Variants in TRDN observed in about 807,000 individuals in gnomAD.
TRDN encodes the protein triadin in skeletal muscle.
In TRDN, 161 loss-of-function variants were observed where a neutral mutation model predicts 149.7. The observed-to-expected ratio is 1.08, with a 90% CI of 0.95 to 1.23. TRDN has a LOEUF of 1.23. TRDN is among the 50% of genes most tolerant of loss of function. The pLI, the probability that TRDN is intolerant of heterozygous loss-of-function variation, is 0.00. For missense variants in TRDN, 896 were observed against 823.5 expected, an observed-to-expected ratio of 1.09 and a Z score of -1.08; for synonymous variants, 294 against 250.5, an observed-to-expected ratio of 1.17 and a Z score of -1.64.
At chr6:123,389,021 A>G (rs1782011414) in intron 13 of TRDN, among the ~76,000 whole-genome samples, 1 of 152,272 alleles carries the variant, frequency 6.6e-6, no homozygotes, top group Non-Finnish European at 1.5e-5. Flanking sequence ...AAAATGCCCA[A>G]TTTCAGGAAG....
intron 23 of TRDN, among the ~76,000 whole-genome samples, chr6:123,321,131 T>G (rs1779228019): frequency 6.6e-6 from 1 of 152,178 alleles, no homozygotes; most frequent in African/African-American, 2.4e-5. Flanking sequence ...AAAATCAGAC[T>G]GCCAGACACC....
intron 24 of TRDN, among the ~76,000 whole-genome samples, chr6:123,285,370 A>G (rs952668575): frequency 6.6e-6 from 1 of 152,016 alleles, no homozygotes; most frequent in Non-Finnish European, 1.5e-5. Flanking sequence ...AGAATAGAGA[A>G]CCCCAAAATA....
Position 123,480,040 on chromosome 6 carries a change from T to G in TRDN, c.854-15057A>C, listed in dbSNP as rs74537964. ...ATCTTTTTTCAATGTCAAAAATATT[T>G]AACATTTTTTATCAAAATAGAGATG... is the stretch of plus-strand genomic sequence containing the variant. On this transcript the variant is annotated intron_variant, in intron 9 of 40. Transcript: ENST00000334268. 1.8e-3 allele frequency among the ~76,000 whole-genome samples: 276 copies of G among 152,230 alleles called. 3 individuals carry two copies. The highest frequency in any genetic ancestry group is 6.4e-3 in the African/African-American group (268 of 41,554).
intron 1 of TRDN, among the ~76,000 whole-genome samples, chr6:123,611,530 T>C (rs79199828): frequency 0.049 from 7,393 of 152,270 alleles, 622 homozygotes; most frequent in African/African-American, 0.17. Flanking sequence ...CAACATAAGA[T>C]AAAAGAAATA....
intron 14 of TRDN, among the ~76,000 whole-genome samples, chr6:123,383,735 T>C (rs185610791): frequency 1.3e-5 from 2 of 152,228 alleles, no homozygotes; most frequent in Admixed American, 1.3e-4. Context: ...TGAAGAAAGA[T>C]TAGAAGAAAA....
At chr6:123,275,968 G>A (rs1244139256) in intron 26 of TRDN, among the ~76,000 whole-genome samples, 1 of 152,146 alleles carries the variant, frequency 6.6e-6, no homozygotes, top group African/African-American at 2.4e-5. Context: ...TCTCTGGTTT[G>A]GAGATAATGC....
intron 38 of TRDN, among the ~76,000 whole-genome samples, chr6:123,234,719 T>G (rs1775724495): frequency 2.0e-5 from 3 of 152,112 alleles, no homozygotes; most frequent in African/African-American, 7.2e-5. Flanking sequence ...CAACAAAAAC[T>G]AATACCTTTT....
intron 14 of TRDN, 84 bp from the exon 15 acceptor site, chr6:123,382,231 T>G: frequency 1.1e-6 from 1 of 878,176 alleles, no homozygotes. Flanking sequence ...CTATAAACAA[T>G]CAAATAAAAT....
chr6:123,284,091 C>A (rs1048187264), intron 24 of TRDN, among the ~76,000 whole-genome samples: 2 of 134,080 alleles, frequency 1.5e-5, no homozygotes, highest in Non-Finnish European at 3.2e-5. Flanking sequence ...TGCCCCCCCC[C>A]CAAAAATTGG....
At chr6:123,382,214 CA>C in intron 14 of TRDN, 67 bp from the exon 15 acceptor site, 1 of 1,073,824 alleles carries the variant, frequency 9.3e-7, no homozygotes, top group Non-Finnish European at 1.3e-6. Context: ...CAGCTCACAA[CA>C]AATTTCTATA....
intron 10 of TRDN, among the ~76,000 whole-genome samples, chr6:123,442,545 C>CA (rs1434202710): frequency 0.017 from 591 of 35,008 alleles, 11 homozygotes; most frequent in Non-Finnish European, 0.025. Context: ...GACTCCGTCT[C>CA]AAAAAAAAAA....
chr6:123,314,923 T>C (rs1778969850), intron 24 of TRDN, among the ~76,000 whole-genome samples: 1 of 151,902 alleles, frequency 6.6e-6, no homozygotes, highest in Non-Finnish European at 1.5e-5. Flanking sequence ...GATGAAATAA[T>C]TGGTACAACA....
chr6:123,488,485 C>T (rs1323882628), intron 9 of TRDN, among the ~76,000 whole-genome samples: 1 of 152,054 alleles, frequency 6.6e-6, no homozygotes, highest in African/African-American at 2.4e-5. Context: ...TTAAGGTATC[C>T]TTTTAGTTTT....
intron 19 of TRDN, among the ~76,000 whole-genome samples, chr6:123,367,058 C>G (rs1330355744): frequency 2.0e-5 from 3 of 151,998 alleles, no homozygotes; most frequent in Admixed American, 6.6e-5. Context: ...CAAAAAGTGG[C>G]CTTTTGGTTT....
chr6:123,381,081 A>G (rs1009370904), intron 16 of TRDN, among the ~76,000 whole-genome samples: 3 of 152,162 alleles, frequency 2.0e-5, no homozygotes, highest in Non-Finnish European at 4.4e-5. Flanking sequence ...CAAAAACATA[A>G]GTCAGTTTGG....
chr6:123,500,781 A>G (rs1778664267), intron 8 of TRDN, among the ~76,000 whole-genome samples: 2 of 152,208 alleles, frequency 1.3e-5, no homozygotes, highest in Admixed American at 1.3e-4. Flanking sequence ...AAAAATTTTT[A>G]AGAAACCTGT....
At chr6:123,501,289 C>T (rs1470460724) in intron 8 of TRDN, among the ~76,000 whole-genome samples, 3 of 151,864 alleles carry the variant, frequency 2.0e-5, no homozygotes, top group Non-Finnish European at 4.4e-5. Context: ...ACCTATGAGC[C>T]TTATTTCTTT....
intron 10 of TRDN, chr6:123,464,163 C>A: frequency 1.4e-6 from 1 of 715,042 alleles, no homozygotes; most frequent in Non-Finnish European, 1.7e-6. Flanking sequence ...TCTCTGAATC[C>A]CCAGTATTTT....
At chr6:123,222,495 A>AAT (rs1554214028) in intron 39 of TRDN, among the ~76,000 whole-genome samples, 1 of 151,432 alleles carries the variant, frequency 6.6e-6, no homozygotes, top group Non-Finnish European at 1.5e-5. Flanking sequence ...CAATTTAAAA[A>AAT]ATATATATAT....
Sources: gnomAD v4.1 joint callset for allele counts (sites outside exome capture counted in the v4.1 genomes callset) on GRCh38, gnomAD v4.1.1 for gene constraint, MANE v1.5 for transcripts, NCBI Gene and HGNC (gene_info 2026-07-23, HGNC 2026-07-21) for gene names.